Variants in PLA2G4A observed in about 807,000 individuals in gnomAD.
The protein encoded by PLA2G4A is cytosolic phospholipase A2.
Under a neutral mutation model 81.9 loss-of-function variants are expected in PLA2G4A, and 40 were observed. The ratio of observed to expected loss-of-function variants is 0.49; its 90% CI spans 0.38 to 0.64. The LOEUF (loss-of-function observed/expected upper bound fraction) is 0.64, where lower values mean the gene tolerates loss of function less well. Among genes scored for constraint, PLA2G4A ranks in the 30% least tolerant of loss-of-function variants. PLA2G4A has a pLI of 0.00. For synonymous variants in PLA2G4A, 302 were observed against 296.9 expected (o/e 1.02, Z -0.18); for missense variants, 715 against 905.1 (o/e 0.79, Z 2.69).
chr1:186,898,407 C>T (rs143865664), intron 5 of PLA2G4A, among the ~76,000 whole-genome samples: 1 of 152,078 alleles, frequency 6.6e-6, no homozygotes, highest in African/African-American at 2.4e-5. Context: ...TTTTATTAAA[C>T]AACTGTTATG....
chr1:186,957,398 A>G (rs1656792853), intron 14 of PLA2G4A, among the ~76,000 whole-genome samples: 1 of 152,190 alleles, frequency 6.6e-6, no homozygotes, highest in South Asian at 2.1e-4. Flanking sequence ...TGGTTCAAAA[A>G]CCACTTCAGA....
At position 186,830,608 on chromosome 1, in the gene PLA2G4A, C is replaced by CAAAAA. The variant is rs55745208; in HGVS notation, c.-70+1593_-70+1597dup. ...GAGCGAAAACAGCGAAGCTCTGTCTCAAAAAAAAAAAAAAAAAAAAAAAAG... is the reference window on the plus strand; with the variant it reads ...GAGCGAAAACAGCGAAGCTCTGTCTCAAAAAAAAAAAAAAAAAAAAAAAAAAAAAG... On this transcript the variant is annotated intron_variant, in intron 1 of 17. Transcript: ENST00000367466. 2.7e-3 allele frequency among the ~76,000 whole-genome samples: 195 copies of CAAAAA among 72,500 alleles called. 7 individuals are homozygous for CAAAAA. The highest frequency in any genetic ancestry group is 0.01 in the Middle Eastern group (1 of 98). 47.6% of individuals were successfully genotyped at this position (72,500 alleles called of 152,430 possible). A position where few individuals can be genotyped will look rare whatever the true frequency, so the allele number is the denominator to read the frequency against.
intron 3 of PLA2G4A, among the ~76,000 whole-genome samples, chr1:186,872,078 G>A (rs1323808328): frequency 1.3e-5 from 2 of 151,996 alleles, no homozygotes; most frequent in Non-Finnish European, 2.9e-5. Flanking sequence ...CTGAGCAGTG[G>A]TTTTCATGAC....
intron 7 of PLA2G4A, among the ~76,000 whole-genome samples, chr1:186,917,880 G>T (rs1478451910): frequency 1.8e-4 from 27 of 152,224 alleles, no homozygotes; most frequent in Admixed American, 1.8e-3. Context: ...TGTGCTGTCG[G>T]CATGTAATGC....
chr1:186,950,413 C>T (rs1382176362), intron 12 of PLA2G4A, among the ~76,000 whole-genome samples: 1 of 152,052 alleles, frequency 6.6e-6, no homozygotes, highest in Non-Finnish European at 1.5e-5. Context: ...AAATTATCCT[C>T]TTTAAGTCAT....
intron 1 of PLA2G4A, among the ~76,000 whole-genome samples, chr1:186,831,008 T>A (rs1651562960): frequency 6.8e-6 from 1 of 147,302 alleles, no homozygotes; most frequent in African/African-American, 2.5e-5. Context: ...CTTTCTTTCT[T>A]TCTTTCTTTC....
At chr1:186,972,874 A>C (rs901797403) in intron 15 of PLA2G4A, among the ~76,000 whole-genome samples, 26 of 152,290 alleles carry the variant, frequency 1.7e-4, no homozygotes, top group Admixed American at 7.2e-4. Flanking sequence ...CTAAAAACGG[A>C]AAAAGTATCT....
rs2102117859 is a variant in PLA2G4A, at chr1:186,895,122, T to C, written c.378+911T>C. ...CCATGATAATTATCTATGGTATTCA[T>C]TGGGACTACATTATTTATACTGTTC... On this transcript the variant is annotated intron_variant, in intron 5 of 17. Transcript: ENST00000367466. Among the ~76,000 whole-genome samples the C allele has an allele frequency of 1.3e-5, 2 of 152,336 alleles. 1 individual carries two copies. Among genetic ancestry groups the C allele is most frequent in the Admixed American group, 1.3e-4 (2 of 15,302 alleles).
intron 2 of PLA2G4A, among the ~76,000 whole-genome samples, chr1:186,863,295 C>T (rs75125724): frequency 0.039 from 5,942 of 152,226 alleles, 384 homozygotes; most frequent in African/African-American, 0.14. Context: ...GTTTTCACTG[C>T]TAGAGCAATC....
intron 3 of PLA2G4A, among the ~76,000 whole-genome samples, chr1:186,889,202 G>A (rs950945994): frequency 2.6e-5 from 4 of 152,148 alleles, no homozygotes; most frequent in African/African-American, 9.7e-5. Context: ...CCATGGTCCT[G>A]TTGAGAGTTA....
intron 3 of PLA2G4A, among the ~76,000 whole-genome samples, chr1:186,884,270 T>C (rs2102088500): frequency 6.6e-6 from 1 of 151,222 alleles, no homozygotes; most frequent in South Asian, 2.1e-4. Context: ...TTTTTTTTTT[T>C]TTAGTGAAGT....
At chr1:186,867,784 G>A (rs1268248956) in intron 2 of PLA2G4A, among the ~76,000 whole-genome samples, 2 of 151,900 alleles carry the variant, frequency 1.3e-5, no homozygotes, top group East Asian at 1.9e-4. Flanking sequence ...TGATCTTTTC[G>A]GGGAAGCTTC....
At chr1:186,853,797 T>C (rs1331735000) in intron 1 of PLA2G4A, among the ~76,000 whole-genome samples, 1 of 151,936 alleles carries the variant, frequency 6.6e-6, no homozygotes, top group Non-Finnish European at 1.5e-5. Flanking sequence ...CAAACATTTC[T>C]TTAAAAATGT....
intron 6 of PLA2G4A, among the ~76,000 whole-genome samples, 169 bp from the exon 7 acceptor site, chr1:186,911,079 A>C (rs1395771416): frequency 6.6e-6 from 1 of 152,212 alleles, no homozygotes; most frequent in Non-Finnish European, 1.5e-5. Flanking sequence ...TGCTGCTTTA[A>C]GATAGCCATC....
chr1:186,946,452 C>CA (rs1656349042), intron 10 of PLA2G4A, among the ~76,000 whole-genome samples, 185 bp from the exon 11 acceptor site: 3 of 79,688 alleles, frequency 3.8e-5, no homozygotes, highest in South Asian at 4.3e-4. Context: ...CACCTCTAAG[C>CA]GTTTTTCCCC....
At chr1:186,834,948 C>A (rs1465986819) in intron 1 of PLA2G4A, among the ~76,000 whole-genome samples, 1 of 152,008 alleles carries the variant, frequency 6.6e-6, no homozygotes, top group Non-Finnish European at 1.5e-5. Flanking sequence ...TTTACCTTTC[C>A]AAATAATTCA....
At chr1:186,961,621 C>T (rs74135206) in intron 14 of PLA2G4A, among the ~76,000 whole-genome samples, 4,141 of 152,208 alleles carry the variant, frequency 0.027, 205 homozygotes, top group African/African-American at 0.096. Flanking sequence ...CAAATGCCCT[C>T]ACTCTTGGAT....
At chr1:186,949,368 AAG>A (rs1259461493) in intron 12 of PLA2G4A, among the ~76,000 whole-genome samples, 1 of 50,102 alleles carries the variant, frequency 2.0e-5, no homozygotes, top group African/African-American at 8.9e-5. Context: ...AAGAGAAAGA[AAG>A]AAAAGAAAGA....
At chr1:186,854,425 G>A (rs768110142) in intron 2 of PLA2G4A, 38 bp downstream of exon 2, 1 of 1,335,434 alleles carries the variant, frequency 7.5e-7, no homozygotes, top group Admixed American at 1.7e-5. Flanking sequence ...TTCTTGGAGG[G>A]GGTCTGATAT....
Sources: allele counts gnomAD v4.1 joint callset (sites outside exome capture counted in the v4.1 genomes callset), GRCh38; gene constraint gnomAD v4.1.1; transcripts MANE v1.5; gene names NCBI Gene and HGNC (gene_info 2026-07-23, HGNC 2026-07-21).